Variants in FRMD4A observed in about 807,000 individuals in gnomAD.
FRMD4A encodes FERM domain-containing protein 4A.
A neutral mutation model predicts 129.1 loss-of-function variants in FRMD4A; 29 were observed. The observed-to-expected ratio is 0.22, with a 90% CI of 0.17 to 0.31. FRMD4A has a LOEUF of 0.31. Among genes scored for constraint, FRMD4A ranks in the 10% least tolerant of loss-of-function variants. The pLI is 1.00. For synonymous variants in FRMD4A, 634 were observed against 571.6 expected, an observed-to-expected ratio of 1.11 and a Z score of -1.56; for missense variants, 1,272 against 1,375.8, an observed-to-expected ratio of 0.92 and a Z score of 1.19.
chr10:13,859,338 C>T (rs563791270), intron 2 of FRMD4A, among the ~76,000 whole-genome samples: 140 of 152,068 alleles, frequency 9.2e-4, no homozygotes, highest in South Asian at 4.6e-3. Context: ...GAGCCGAGAT[C>T]GCGCCACTGC....
At chr10:14,045,414 G>T (rs977294726) in intron 2 of FRMD4A, among the ~76,000 whole-genome samples, 1 of 151,940 alleles carries the variant, frequency 6.6e-6, no homozygotes, top group Non-Finnish European at 1.5e-5. Flanking sequence ...GTGGGTACTC[G>T]CTCTCTTAAT....
intron 2 of FRMD4A, among the ~76,000 whole-genome samples, chr10:14,230,957 C>A (rs191094311): frequency 3.3e-5 from 5 of 152,150 alleles, no homozygotes; most frequent in African/African-American, 1.2e-4. Context: ...CTGCAAAGAA[C>A]GTGATTTTGT....
At chr10:13,705,975 CT>C (rs1484200072) in intron 13 of FRMD4A, among the ~76,000 whole-genome samples, 4 of 152,170 alleles carry the variant, frequency 2.6e-5, no homozygotes, top group Admixed American at 1.3e-4. Context: ...GGAACAGGGG[CT>C]ACTGCACAGG....
intron 2 of FRMD4A, among the ~76,000 whole-genome samples, chr10:14,024,498 C>T (rs917082497): frequency 3.9e-5 from 6 of 152,182 alleles, no homozygotes; most frequent in African/African-American, 1.2e-4. Context: ...ACACCGTCGG[C>T]GTCAAATTTG....
intron 3 of FRMD4A, among the ~76,000 whole-genome samples, chr10:13,824,784 A>G (rs183900205): frequency 0.018 from 2,675 of 150,898 alleles, 44 homozygotes; most frequent in South Asian, 0.038. Flanking sequence ...AATCAAAGCT[A>G]CTCAGGAGGC....
At chr10:14,195,399 A>G (rs1842443161) in intron 2 of FRMD4A, among the ~76,000 whole-genome samples, 2 of 151,604 alleles carry the variant, frequency 1.3e-5, no homozygotes. Context: ...TTCTGACAAA[A>G]GTAAATTGTC....
At chr10:14,133,147 G>A (rs1055918930) in intron 2 of FRMD4A, among the ~76,000 whole-genome samples, 2 of 152,188 alleles carry the variant, frequency 1.3e-5, no homozygotes, top group African/African-American at 4.8e-5. Context: ...TTTAGCACAT[G>A]ATGAGGTGAA....
At position 13,884,186 on chromosome 10, in the gene FRMD4A, A is replaced by ACACACT. The variant is rs2094586993; in HGVS notation, c.46-25275_46-25274insAGTGTG. On this transcript the variant is annotated intron_variant, in intron 2 of 24. Coordinates refer to ENST00000357447, the MANE Select transcript of FRMD4A (RefSeq NM_018027.5). ...CACACACTCACACACTCACACACACACACACACACTCACACACACACTCAC... is the reference window on the plus strand; with the variant it reads ...CACACACTCACACACTCACACACACACACACTCACACACACTCACACACACACTCAC... Among the ~76,000 whole-genome samples, 96 of 109,636 alleles carry ACACACT rather than the reference A, an allele frequency of 8.8e-4. 2 individuals carry two copies. The highest frequency in any genetic ancestry group is 2.8e-3 in the African/African-American group (78 of 28,086). The allele number at this position is 109,636 out of a possible 152,430, so 71.9% of individuals were successfully genotyped here.
intron 2 of FRMD4A, among the ~76,000 whole-genome samples, chr10:14,082,669 T>C (rs977656191): frequency 6.6e-6 from 1 of 152,002 alleles, no homozygotes; most frequent in African/African-American, 2.4e-5. Context: ...TGGTGACTGG[T>C]TTTCATGGGA....
intron 24 of FRMD4A, among the ~76,000 whole-genome samples, chr10:13,648,928 AAAG>A (rs2081330102): frequency 6.6e-6 from 1 of 152,156 alleles, no homozygotes; most frequent in Admixed American, 6.5e-5. Flanking sequence ...GAGGGGAAAA[AAAG>A]CTTCCATGGA....
At chr10:13,661,711 G>C (rs2082652951) in intron 19 of FRMD4A, among the ~76,000 whole-genome samples, 1 of 152,140 alleles carries the variant, frequency 6.6e-6, no homozygotes, top group African/African-American at 2.4e-5. Context: ...CTTCAGGCTA[G>C]GGCAGGTCAG....
intron 2 of FRMD4A, among the ~76,000 whole-genome samples, chr10:14,156,035 C>T (rs1395167858): frequency 6.6e-6 from 1 of 152,160 alleles, no homozygotes; most frequent in African/African-American, 2.4e-5. Context: ...CTCCCAGGTG[C>T]AGACACTGGG....
At chr10:13,711,350 C>A (rs1194980483) in intron 12 of FRMD4A, among the ~76,000 whole-genome samples, 1 of 152,246 alleles carries the variant, frequency 6.6e-6, no homozygotes, top group Non-Finnish European at 1.5e-5. Context: ...CTCCACCTTG[C>A]CTCCCCTTTG....
intron 2 of FRMD4A, among the ~76,000 whole-genome samples, chr10:14,136,739 C>T (rs1047493500): frequency 6.7e-6 from 1 of 149,064 alleles, no homozygotes; most frequent in African/African-American, 2.4e-5. Context: ...ACATCTTATA[C>T]ATATTGATTA....
At chr10:13,810,447 T>C (rs1350594609) in intron 4 of FRMD4A, among the ~76,000 whole-genome samples, 1 of 152,236 alleles carries the variant, frequency 6.6e-6, no homozygotes, top group East Asian at 1.9e-4. Flanking sequence ...TTCCTGTTAT[T>C]GTTATCCCAA....
chr10:13,672,666 T>A (rs1181934880), intron 16 of FRMD4A, among the ~76,000 whole-genome samples: 1 of 152,142 alleles, frequency 6.6e-6, no homozygotes, highest in African/African-American at 2.4e-5. Context: ...CACTCTGCAG[T>A]GGGGCCTCGG....
At chr10:13,921,300 T>A (rs977233529) in intron 2 of FRMD4A, among the ~76,000 whole-genome samples, 1 of 27,710 alleles carries the variant, frequency 3.6e-5, no homozygotes, top group Admixed American at 3.8e-4. Context: ...TCTCACTCTG[T>A]TACCCAGGCT....
chr10:14,222,176 G>T (rs1424196612), intron 2 of FRMD4A, among the ~76,000 whole-genome samples: 1 of 152,138 alleles, frequency 6.6e-6, no homozygotes, highest in Non-Finnish European at 1.5e-5. Flanking sequence ...AAAAATACAG[G>T]ATGTTAATTA....
chr10:14,257,158 C>T (rs1844644289), intron 2 of FRMD4A, among the ~76,000 whole-genome samples: 1 of 152,072 alleles, frequency 6.6e-6, no homozygotes, highest in Admixed American at 6.6e-5. Flanking sequence ...TGGTGAAACC[C>T]CACCTCTACT....
Sources: gnomAD v4.1 joint callset for allele counts (sites outside exome capture counted in the v4.1 genomes callset) on GRCh38, gnomAD v4.1.1 for gene constraint, MANE v1.5 for transcripts, NCBI Gene and HGNC (gene_info 2026-07-23, HGNC 2026-07-21) for gene names.